Variants in GRIK2 observed in about 807,000 individuals in gnomAD.
GRIK2 encodes glutamate receptor ionotropic, kainate 2.
In GRIK2, 32 loss-of-function variants were observed where a neutral mutation model predicts 100.3. The observed-to-expected ratio is 0.32, with a 90% CI of 0.24 to 0.43. GRIK2 has a LOEUF of 0.43. Among genes scored for constraint, GRIK2 ranks in the 20% least tolerant of loss-of-function variants. The pLI, the probability that GRIK2 is intolerant of heterozygous loss-of-function variation, is 1.00. For missense variants in GRIK2, 843 were observed against 1,114.9 expected (o/e 0.76, Z 3.47); for synonymous variants, 417 against 389.4 (o/e 1.07, Z -0.83).
At chr6:101,925,027 T>C (rs377485733) in intron 13 of GRIK2, among the ~76,000 whole-genome samples, 19 of 152,178 alleles carry the variant, frequency 1.2e-4, no homozygotes, top group African/African-American at 4.6e-4. Flanking sequence ...GCATTTAAAC[T>C]ACTACAAAGA....
intron 11 of GRIK2, among the ~76,000 whole-genome samples, chr6:101,866,657 G>A (rs186157347): frequency 0.011 from 1,639 of 152,142 alleles, 14 homozygotes; most frequent in Non-Finnish European, 0.018. Context: ...GACTATTAGA[G>A]TACATTAGAC....
At chr6:102,053,091 AACACAC>A (rs148536098) in intron 15 of GRIK2, among the ~76,000 whole-genome samples, 8 of 149,268 alleles carry the variant, frequency 5.4e-5, no homozygotes, top group South Asian at 2.1e-4. Context: ...CAACAACAAC[AACACAC>A]ACACACACAC....
chr6:101,502,460 C>A (rs2128274223), intron 2 of GRIK2, among the ~76,000 whole-genome samples: 1 of 151,184 alleles, frequency 6.6e-6, no homozygotes, highest in South Asian at 2.1e-4. Context: ...TGTGAATGCA[C>A]TGAAATAAAA....
At chr6:101,487,025 G>C (rs1180395104) in intron 2 of GRIK2, among the ~76,000 whole-genome samples, 1 of 146,110 alleles carries the variant, frequency 6.8e-6, no homozygotes, top group East Asian at 1.9e-4. Flanking sequence ...TCATACATTG[G>C]GGAGAATTTA....
chr6:101,956,125 C>T (rs903160451), intron 14 of GRIK2, among the ~76,000 whole-genome samples: 1 of 151,964 alleles, frequency 6.6e-6, no homozygotes, highest in African/African-American at 2.4e-5. Context: ...GTCCTTATGT[C>T]AGTGTGATGT....
chr6:101,738,602 A>G (rs1775830876), intron 7 of GRIK2, among the ~76,000 whole-genome samples: 1 of 151,966 alleles, frequency 6.6e-6, no homozygotes, highest in Admixed American at 6.6e-5. Context: ...TCATTCATTT[A>G]TATGGTAAAT....
intron 10 of GRIK2, among the ~76,000 whole-genome samples, chr6:101,844,413 GAA>G (rs1783689087): frequency 6.6e-6 from 1 of 152,168 alleles, no homozygotes; most frequent in African/African-American, 2.4e-5. Context: ...AATAATAGGA[GAA>G]TAAATTTGTG....
chr6:101,942,222 C>T (rs780805583), intron 14 of GRIK2, among the ~76,000 whole-genome samples: 1 of 152,018 alleles, frequency 6.6e-6, no homozygotes, highest in East Asian at 1.9e-4. Context: ...GTTGAAAGAG[C>T]GGCCTGATGG....
intron 7 of GRIK2, among the ~76,000 whole-genome samples, chr6:101,715,441 C>G (rs558188654): frequency 2.0e-5 from 3 of 151,808 alleles, no homozygotes; most frequent in South Asian, 2.1e-4. Context: ...AAAGACAAGA[C>G]TAATGGGGAG....
intron 12 of GRIK2, among the ~76,000 whole-genome samples, chr6:101,921,331 T>C (rs1164002768): frequency 2.0e-5 from 3 of 152,088 alleles, no homozygotes; most frequent in African/African-American, 7.2e-5. Context: ...TTGGAGAGTC[T>C]ACTGTCAGGA....
At chr6:101,984,805 T>C (rs887202067) in intron 14 of GRIK2, among the ~76,000 whole-genome samples, 2 of 151,872 alleles carry the variant, frequency 1.3e-5, no homozygotes, top group African/African-American at 4.8e-5. Flanking sequence ...ACCCCAATAA[T>C]GAAATTAAAC....
intron 2 of GRIK2, among the ~76,000 whole-genome samples, chr6:101,597,570 C>A (rs964809066): frequency 6.6e-6 from 1 of 151,660 alleles, no homozygotes; most frequent in African/African-American, 2.4e-5. Context: ...GAATTTTTGT[C>A]TGTTTTGTTC....
intron 10 of GRIK2, among the ~76,000 whole-genome samples, chr6:101,832,447 C>T (rs1051067044): frequency 6.6e-6 from 1 of 152,118 alleles, no homozygotes; most frequent in African/African-American, 2.4e-5. Context: ...TAAGAACAAT[C>T]ATTTCCAACC....
intron 4 of GRIK2, among the ~76,000 whole-genome samples, chr6:101,647,363 TAGAC>T (rs1781578944): frequency 6.6e-6 from 1 of 152,038 alleles, no homozygotes; most frequent in Non-Finnish European, 1.5e-5. Context: ...TAACTCCAGG[TAGAC>T]AGAAGTTAAG....
At chr6:102,011,558 T>TG (rs1395737997) in intron 14 of GRIK2, among the ~76,000 whole-genome samples, 2 of 146,190 alleles carry the variant, frequency 1.4e-5, no homozygotes, top group East Asian at 4.0e-4. Context: ...AGTTATTTCT[T>TG]TTTTTTTTCT....
At chr6:101,857,777 C>A (rs1249240336) in intron 10 of GRIK2, among the ~76,000 whole-genome samples, 4 of 152,212 alleles carry the variant, frequency 2.6e-5, no homozygotes, top group African/African-American at 9.6e-5. Flanking sequence ...TGCATGGAAT[C>A]TTTTTGCACT....
At chr6:101,809,048 T>C (rs967060804) in intron 9 of GRIK2, among the ~76,000 whole-genome samples, 1 of 151,798 alleles carries the variant, frequency 6.6e-6, no homozygotes, top group Middle Eastern at 3.2e-3. Flanking sequence ...AGCAATATAT[T>C]GCACATTTAC....
chr6:101,498,854 C>CAGA (rs1773595003), intron 2 of GRIK2, among the ~76,000 whole-genome samples: 2 of 152,158 alleles, frequency 1.3e-5, no homozygotes, highest in Admixed American at 1.3e-4. Flanking sequence ...TTTTGCTGTG[C>CAGA]AGAAGCTCTT....
intron 2 of GRIK2, among the ~76,000 whole-genome samples, chr6:101,544,784 AAAGTTAATTAATT>A (rs1776158190): frequency 6.6e-6 from 1 of 152,174 alleles, no homozygotes; most frequent in Admixed American, 6.6e-5. Context: ...GAGATTTAGA[AAAGTTAATTAATT>A]TGTTCAAGGT....
Sources: allele counts gnomAD v4.1 joint callset (sites outside exome capture counted in the v4.1 genomes callset), GRCh38; gene constraint gnomAD v4.1.1; transcripts MANE v1.5; gene names NCBI Gene and HGNC (gene_info 2026-07-23, HGNC 2026-07-21).